Variants in BRD10 observed in about 807,000 individuals in gnomAD.
BRD10 encodes bromodomain containing 10, also known as uncharacterized bromodomain-containing protein 10.
At chr9:5,977,385 C>T in the BRD10 span, among the ~76,000 whole-genome samples, 1 of 152,150 alleles carries the variant, frequency 6.6e-6, no homozygotes, top group Non-Finnish European at 1.5e-5. Flanking sequence ...TAAGGCAGAA[C>T]AGCCCTTTAC....
chr9:5,993,944 C>CA, the BRD10 span, among the ~76,000 whole-genome samples: 407 of 152,124 alleles, frequency 2.7e-3, 2 homozygotes, highest in African/African-American at 9.5e-3. Context: ...GGAATTCTGA[C>CA]AAAAAAATTT....
chr9:5,947,844 A>T, the BRD10 span, among the ~76,000 whole-genome samples: 1 of 152,198 alleles, frequency 6.6e-6, no homozygotes, highest in Non-Finnish European at 1.5e-5. Flanking sequence ...AAGGAGAACA[A>T]AGATTTTTTT....
At chr9:5,928,678 GT>G in the BRD10 span, among the ~76,000 whole-genome samples, 1 of 152,098 alleles carries the variant, frequency 6.6e-6, no homozygotes, top group Non-Finnish European at 1.5e-5. Context: ...TAAGGTCTCT[GT>G]TCAAACACCA....
the BRD10 span, among the ~76,000 whole-genome samples, chr9:5,957,285 A>G: frequency 6.6e-6 from 1 of 152,202 alleles, no homozygotes; most frequent in African/African-American, 2.4e-5. Flanking sequence ...GTCACACAGT[A>G]AGTAAGCACC....
the BRD10 span, among the ~76,000 whole-genome samples, chr9:5,959,096 A>G: frequency 0.65 from 98,095 of 152,028 alleles, 33,275 homozygotes; most frequent in Non-Finnish European, 0.78. Flanking sequence ...TTACCCTTTA[A>G]CTTAGAATAT....
the BRD10 span, among the ~76,000 whole-genome samples, chr9:5,938,743 G>A: frequency 3.3e-5 from 5 of 152,132 alleles, no homozygotes; most frequent in African/African-American, 1.2e-4. Flanking sequence ...AAGGTAGATT[G>A]ATTTTCTCCC....
At chr9:5,893,526 T>C in the BRD10 span, among the ~76,000 whole-genome samples, 39 of 152,294 alleles carry the variant, frequency 2.6e-4, no homozygotes, top group African/African-American at 7.2e-4. Context: ...TATAGGATCC[T>C]CTAATATCCC....
the BRD10 span, chr9:5,921,976 AGTT>A: frequency 5.0e-4 from 803 of 1,614,000 alleles, 1 homozygote; most frequent in Non-Finnish European, 6.2e-4. Flanking sequence ...TAGATGTAGT[AGTT>A]GTTCCAGCTA....
the BRD10 span, chr9:5,922,205 T>C: frequency 1.9e-6 from 3 of 1,614,018 alleles, no homozygotes; most frequent in Non-Finnish European, 2.5e-6. Flanking sequence ...TTGCTTTGCT[T>C]CAGAAGAATC....
chr9:5,924,910 C>G, the BRD10 span: 1 of 1,174,164 alleles, frequency 8.5e-7, no homozygotes. Flanking sequence ...TCTAAACTAA[C>G]TTTTAACATT....
the BRD10 span, among the ~76,000 whole-genome samples, chr9:5,925,648 G>C: frequency 6.6e-6 from 1 of 151,984 alleles, no homozygotes; most frequent in Admixed American, 6.5e-5. Context: ...CTTAATCCTG[G>C]GAGTAATTGT....
the BRD10 span, among the ~76,000 whole-genome samples, chr9:5,979,724 G>C: frequency 2.6e-5 from 4 of 151,806 alleles, no homozygotes; most frequent in African/African-American, 9.7e-5. Flanking sequence ...TATCTTTTAA[G>C]TATCTAAAAT....
the BRD10 span, chr9:5,918,873 T>C: frequency 1.1e-3 from 163 of 152,200 alleles, 1 homozygote; most frequent in Non-Finnish European, 1.8e-3. Flanking sequence ...AAAGTAGTAT[T>C]TGTAAGCTGG....
the BRD10 span, among the ~76,000 whole-genome samples, chr9:5,926,206 G>A: frequency 1.3e-5 from 2 of 151,332 alleles, no homozygotes; most frequent in Non-Finnish European, 2.9e-5. Flanking sequence ...GTGAATCACT[G>A]CGCCTGGCCA....
chr9:5,933,243 A>C, the BRD10 span, among the ~76,000 whole-genome samples: 1 of 152,240 alleles, frequency 6.6e-6, no homozygotes, highest in Non-Finnish European at 1.5e-5. Context: ...TCCATGTTAG[A>C]ATTTTCACTA....
the BRD10 span, among the ~76,000 whole-genome samples, chr9:5,886,951 C>G: frequency 5.3e-5 from 8 of 152,178 alleles, no homozygotes; most frequent in Non-Finnish European, 1.2e-4. Context: ...TCAGGTCTCC[C>G]TCGTTGAGCT....
At chr9:5,919,618 T>C in the BRD10 span, 5 of 1,366,116 alleles carry the variant, frequency 3.7e-6, no homozygotes, top group Middle Eastern at 1.9e-4. Flanking sequence ...ATAATAAACA[T>C]TGAAAATTTT....
At chr9:5,931,005 A>G in the BRD10 span, among the ~76,000 whole-genome samples, 2 of 152,234 alleles carry the variant, frequency 1.3e-5, no homozygotes, top group Non-Finnish European at 2.9e-5. Context: ...GTGGAAGTAA[A>G]TCTTTCCTAA....
the BRD10 span, among the ~76,000 whole-genome samples, chr9:5,901,677 C>T: frequency 6.6e-6 from 1 of 152,078 alleles, no homozygotes; most frequent in African/African-American, 2.4e-5. Flanking sequence ...AGCCACCACG[C>T]CTGGCTAAAT....
Sources: allele counts gnomAD v4.1 joint callset (sites outside exome capture counted in the v4.1 genomes callset), GRCh38; gene constraint gnomAD v4.1.1; transcripts MANE v1.5; gene names NCBI Gene and HGNC (gene_info 2026-07-23, HGNC 2026-07-21).